The following PAPPA2 variants were observed in gnomAD, a reference collection of about 807,000 sequenced individuals.
The protein encoded by PAPPA2 is pappalysin 2.
PAPPA2 carries 86 observed loss-of-function variants against 176.4 expected under a neutral mutation model. The observed-to-expected ratio is 0.49, with a 90% CI of 0.41 to 0.58. The LOEUF is 0.58. PAPPA2 is among the 20% of genes least tolerant of loss of function. The pLI is 0.00. For synonymous variants in PAPPA2, 809 were observed against 852.2 expected (o/e 0.95, Z 0.88); for missense variants, 2,073 against 2,256.9 (o/e 0.92, Z 1.65).
chr1:176,824,787 G>A (rs1431933949), intron 21 of PAPPA2, among the ~76,000 whole-genome samples: 6 of 152,134 alleles, frequency 3.9e-5, no homozygotes, highest in Admixed American at 2.0e-4. Context: ...CTCACCAGGC[G>A]ATGTGAGGAC....
At chr1:176,612,336 G>T (rs545878987) in intron 3 of PAPPA2, among the ~76,000 whole-genome samples, 7 of 152,168 alleles carry the variant, frequency 4.6e-5, no homozygotes, top group African/African-American at 1.7e-4. Context: ...AGAGGTTGCA[G>T]TGAGCTGAGA....
At chr1:176,672,009 T>C (rs1024156157) in intron 4 of PAPPA2, among the ~76,000 whole-genome samples, 8 of 151,186 alleles carry the variant, frequency 5.3e-5, no homozygotes, top group Non-Finnish European at 1.2e-4. Context: ...CATGTATACA[T>C]ATGTAACTAA....
intron 3 of PAPPA2, among the ~76,000 whole-genome samples, chr1:176,612,463 A>G (rs1654987768): frequency 1.3e-5 from 2 of 152,210 alleles, no homozygotes; most frequent in African/African-American, 4.8e-5. Flanking sequence ...CAAATTCAGT[A>G]TACAAAGTGA....
At position 176,824,155 on chromosome 1, in the gene PAPPA2, G is replaced by A. The variant is rs150122468; in HGVS notation, c.5203-16018G>A. On this transcript the variant is annotated intron_variant, in intron 21 of 22. Coordinates refer to ENST00000367662, the MANE Select transcript of PAPPA2 (RefSeq NM_020318.3). The stretch of plus-strand genomic sequence containing the variant: ...ACTGTCTCAGTTTGCTCTGAAATAA[G>A]CTCAGTCAACAGTTTATCAACACAC... Among the ~76,000 whole-genome samples the A allele has an allele frequency of 2.6e-5, 4 of 152,294 alleles. No homozygotes were observed. The East Asian group carries it at 7.7e-4, about 29-fold the overall frequency.
At chr1:176,716,477 C>A (rs1333461028) in intron 12 of PAPPA2, among the ~76,000 whole-genome samples, 2 of 151,558 alleles carry the variant, frequency 1.3e-5, no homozygotes, top group Non-Finnish European at 2.9e-5. Context: ...AACTCCTGAC[C>A]TCAGGTGATC....
At chr1:176,762,844 G>T (rs984595692) in intron 14 of PAPPA2, among the ~76,000 whole-genome samples, 2 of 152,102 alleles carry the variant, frequency 1.3e-5, no homozygotes, top group African/African-American at 4.8e-5. Flanking sequence ...CCTTCATCAG[G>T]TCTCATAATG....
Position 176,790,021 on chromosome 1 carries a change from A to G in PAPPA2, c.4884+44A>G. ...ACTTATTTTCATCAGGCTGTGCTCT[A>G]ATCTTGATGCCCAATCCAAGAAATT... On this transcript the variant is annotated intron_variant, in intron 18 of 22. Coordinates refer to ENST00000367662, the MANE Select transcript of PAPPA2 (RefSeq NM_020318.3). The G allele has an allele frequency of 1.9e-6, 3 of 1,585,082 alleles. No individual in the cohort carries two copies. In the East Asian group the frequency reaches 6.7e-5, roughly 36 times the overall value.
intron 3 of PAPPA2, among the ~76,000 whole-genome samples, chr1:176,662,431 C>A (rs374999432): frequency 4.6e-5 from 7 of 152,166 alleles, no homozygotes; most frequent in African/African-American, 1.7e-4. Context: ...GGTAGCAAGG[C>A]AGATTTCTAA....
At chr1:176,711,536 G>A (rs1464249734) in intron 11 of PAPPA2, among the ~76,000 whole-genome samples, 1 of 152,160 alleles carries the variant, frequency 6.6e-6, no homozygotes, top group African/African-American at 2.4e-5. Context: ...GACTTCCCTG[G>A]CTGTTCCTGG....
At position 176,769,784 on chromosome 1, in the gene PAPPA2, G is replaced by A; in HGVS notation, c.4501G>A (p.Gly1501Arg). 2 of 1,599,228 alleles carry A rather than the reference G, an allele frequency of 1.3e-6. No homozygotes were observed. The highest frequency in any genetic ancestry group is 1.7e-6 in the Non-Finnish European group (2 of 1,174,268). The change falls in exon 16 of 23, where the codon GGA becomes AGA. Residue 1501 changes from glycine (G) to arginine (R), a missense_variant and splice_region_variant. This residue lies in a region of PAPPA2 where 846 missense variants were observed against 857.9 expected (regional missense o/e 0.99). Coordinates refer to ENST00000367662, the MANE Select transcript of PAPPA2 (RefSeq NM_020318.3). ...ISCVPPAKLQGLSPWLTCLED... is the reference protein window; with the variant it reads ...ISCVPPAKLQRLSPWLTCLED... ...TTGTGTCCCACCAGCCAAGCTGCAAGGTATTGTCTGGTCAACCAGGAACTG... is the reference window on the plus strand; with the variant it reads ...TTGTGTCCCACCAGCCAAGCTGCAAAGTATTGTCTGGTCAACCAGGAACTG...
At chr1:176,673,278 C>A (rs1166561879) in intron 4 of PAPPA2, among the ~76,000 whole-genome samples, 1 of 152,118 alleles carries the variant, frequency 6.6e-6, no homozygotes, top group Middle Eastern at 3.2e-3. Flanking sequence ...TCATTCTAGC[C>A]TTCCTGGTAG....
Position 176,681,985 on chromosome 1 carries a change from G to T in PAPPA2, c.2138-8152G>T, listed in dbSNP as rs77680332. ...GAGAAGGCAAAGCAGCAGCAGTATA[G>T]GTGGCAGAAACTAGCTTGGAGGTGA... On this transcript the variant is annotated intron_variant, in intron 4 of 22. Transcript: ENST00000367662. Among the ~76,000 whole-genome samples, 1,383 of 152,278 alleles carry T rather than the reference G, an allele frequency of 9.1e-3. 22 individuals carry two copies. The highest frequency in any genetic ancestry group is 0.029 in the African/African-American group (1,187 of 41,550).
chr1:176,723,948 T>G (rs1192034098), intron 12 of PAPPA2, among the ~76,000 whole-genome samples: 3 of 152,194 alleles, frequency 2.0e-5, no homozygotes, highest in African/African-American at 7.2e-5. Flanking sequence ...TTTTCCAATT[T>G]TACAGGTGAG....
At chr1:176,776,305 C>A (rs1281274215) in intron 17 of PAPPA2, among the ~76,000 whole-genome samples, 1 of 152,100 alleles carries the variant, frequency 6.6e-6, no homozygotes, top group Non-Finnish European at 1.5e-5. Flanking sequence ...AACCTTCCAA[C>A]TTTAGTTAGT....
chr1:176,764,098 G>A (rs890175373), intron 14 of PAPPA2, among the ~76,000 whole-genome samples: 1 of 152,116 alleles, frequency 6.6e-6, no homozygotes, highest in African/African-American at 2.4e-5. Context: ...ATTACAGTGA[G>A]AACTAATTCA....
At chr1:176,677,042 A>G (rs1222563518) in intron 4 of PAPPA2, among the ~76,000 whole-genome samples, 1 of 152,166 alleles carries the variant, frequency 6.6e-6, no homozygotes, top group Non-Finnish European at 1.5e-5. Flanking sequence ...TCAGAAGTAA[A>G]AAACTAGACT....
chr1:176,488,897 A>G (rs1652770449), intron 1 of PAPPA2, among the ~76,000 whole-genome samples: 1 of 152,154 alleles, frequency 6.6e-6, no homozygotes, highest in African/African-American at 2.4e-5. Context: ...TTCTAGATTT[A>G]GGTAGAACAC....
intron 18 of PAPPA2, 140 bp from the exon 19 acceptor site, chr1:176,791,207 G>C: frequency 1.0e-5 from 1 of 99,994 alleles, no homozygotes; most frequent in East Asian, 3.0e-4. Flanking sequence ...TTTTTGGCCA[G>C]TAACAATATG....
intron 3 of PAPPA2, among the ~76,000 whole-genome samples, chr1:176,614,537 T>G (rs1655101926): frequency 6.6e-6 from 1 of 152,230 alleles, no homozygotes; most frequent in Non-Finnish European, 1.5e-5. Flanking sequence ...CCTTCTCAGA[T>G]ATCTAGAAAC....
Sources: gnomAD v4.1 joint callset for allele counts (sites outside exome capture counted in the v4.1 genomes callset) on GRCh38, gnomAD v4.1.1 for gene constraint, gnomAD v4.1.1 regional missense constraint, MANE v1.5 for transcripts, NCBI Gene and HGNC (gene_info 2026-07-23, HGNC 2026-07-21) for gene names.